Variants in SARDH observed in about 807,000 individuals in gnomAD.
The protein encoded by SARDH is sarcosine dehydrogenase.
In SARDH, 95 loss-of-function variants were observed where a neutral mutation model predicts 109.1. The observed-to-expected ratio is 0.87, with a 90% CI of 0.74 to 1.03. SARDH has a LOEUF of 1.03. SARDH is among the 50% of genes least tolerant of loss of function. The pLI, the probability that SARDH is intolerant of heterozygous loss-of-function variation, is 0.00. For missense variants in SARDH, 1,267 were observed against 1,287.8 expected (o/e 0.98, Z 0.25); for synonymous variants, 572 against 534.8 (o/e 1.07, Z -0.96).
downstream of SARDH, among the ~76,000 whole-genome samples, chr9:133,659,597 G>A (rs1453810664): frequency 6.6e-6 from 1 of 152,214 alleles, no homozygotes; most frequent in Non-Finnish European, 1.5e-5. Flanking sequence ...GCCTCATGGG[G>A]AGAGAGGGAG....
intron 13 of SARDH, among the ~76,000 whole-genome samples, chr9:133,700,626 G>A (rs569196788): frequency 1.8e-4 from 28 of 152,206 alleles, no homozygotes; most frequent in South Asian, 8.3e-4. Context: ...GTACAATCCC[G>A]TGAACTCACT....
At chr9:133,711,870 G>C (rs1831932794) in intron 10 of SARDH, among the ~76,000 whole-genome samples, 1 of 152,156 alleles carries the variant, frequency 6.6e-6, no homozygotes, top group African/African-American at 2.4e-5. Context: ...AGGCCCTGCT[G>C]TGTGGGTCGG....
downstream of SARDH, among the ~76,000 whole-genome samples, chr9:133,660,063 CCTCACCCCCCA>C (rs1323484227): frequency 1.4e-5 from 2 of 146,274 alleles, no homozygotes; most frequent in Admixed American, 6.8e-5. Flanking sequence ...CCCACCCCCA[CCTCACCCCCCA>C]CTCACACTCT....
downstream of SARDH, among the ~76,000 whole-genome samples, chr9:133,661,048 C>T (rs1176368862): frequency 6.6e-6 from 1 of 151,976 alleles, no homozygotes; most frequent in African/African-American, 2.4e-5. Flanking sequence ...ACAAAAAATA[C>T]AATAATTAGG....
Position 133,666,806 on chromosome 9 carries a change from TC to T in SARDH, c.2559del (p.Arg854GlyfsTer30). The T allele has an allele frequency of 6.2e-7, 1 of 1,608,156 alleles. No individual in the cohort carries two copies. Among genetic ancestry groups the T allele is most frequent in the Non-Finnish European group, 8.5e-7 (1 of 1,177,584 alleles). On this transcript the variant is annotated frameshift_variant, in exon 20 of 21. Coordinates refer to ENST00000439388, the MANE Select transcript of SARDH (RefSeq NM_001134707.2). LOFTEE classifies it high-confidence loss of function. This position sits in a 1 kb window ranked among gnomAD's most constrained non-coding sequence, Gnocchi z 5.2. Reference protein sequence around the residue: ...WRNGQVVGHVRRADFGFAIDK... With the variant: ...WRNGQVVGHVXRADFGFAIDK... Reference sequence around the variant, plus strand: ...TCGATGGCGAACCCAAAGTCAGCCCTCCGGACATGGCCCACCACTTGGCCGT... The same window carrying T: ...TCGATGGCGAACCCAAAGTCAGCCCTCGGACATGGCCCACCACTTGGCCGT...
At chr9:133,682,777 G>A (rs1443822879) in intron 17 of SARDH, among the ~76,000 whole-genome samples, 2 of 100,966 alleles carry the variant, frequency 2.0e-5, no homozygotes, top group East Asian at 5.6e-4. Flanking sequence ...AAACCCACGC[G>A]CAGTGATGGT....
chr9:133,707,744 C>A (rs948139352), intron 11 of SARDH, among the ~76,000 whole-genome samples: 3 of 152,004 alleles, frequency 2.0e-5, no homozygotes, highest in Middle Eastern at 3.2e-3. Flanking sequence ...GGGCTGGGAG[C>A]GCAGAGAAGG....
Position 133,730,127 on chromosome 9 carries a change from G to A in SARDH, c.751C>T (p.Arg251Trp), listed in dbSNP as rs766945285. ...TGCTGAGTCTCCACACCCGCGACCC[G>A]CCGCACCCCAAAATCATCCGTCCAC... is the stretch of plus-strand genomic sequence containing the variant. ...RVWTDDFGVR[R>W]VAGVETQHGS... Residue 251 changes from arginine to tryptophan, a missense_variant, in exon 5 of 21, where the codon CGG becomes TGG. Arg to Trp is a moderately radical substitution (Grantham distance 101). Transcript: ENST00000439388. 2.3e-5 allele frequency: 37 copies of A among 1,614,052 alleles called. No homozygotes were observed. Among genetic ancestry groups the A allele is most frequent in the East Asian group, 4.5e-5 (2 of 44,884 alleles).
intron 11 of SARDH, among the ~76,000 whole-genome samples, chr9:133,707,731 ACG>A (rs1439518817): frequency 1.3e-5 from 2 of 152,032 alleles, no homozygotes; most frequent in African/African-American, 4.8e-5. Context: ...AGGAATGGAG[ACG>A]GGGCTGGGAG....
At chr9:133,719,713 C>T (rs1262316789) in intron 6 of SARDH, among the ~76,000 whole-genome samples, 1 of 144,210 alleles carries the variant, frequency 6.9e-6, no homozygotes, top group East Asian at 2.2e-4. Flanking sequence ...ATGTTGACAC[C>T]AGGGTCTCTC....
downstream of SARDH, among the ~76,000 whole-genome samples, chr9:133,663,298 C>T (rs905015983): frequency 2.9e-4 from 44 of 152,232 alleles, no homozygotes; most frequent in African/African-American, 1.0e-3. Flanking sequence ...TCTCAGGAGG[C>T]TTTGCCACCT....
At chr9:133,736,390 G>GTTGT (rs1554763807) in intron 1 of SARDH, among the ~76,000 whole-genome samples, 69 of 150,388 alleles carry the variant, frequency 4.6e-4, no homozygotes, top group African/African-American at 1.0e-3. Context: ...TGTTGTTGTT[G>GTTGT]TTGTTTGTTT....
In SARDH at chr9:133,730,057, C is replaced by T. The variant is rs1185508676; in HGVS notation, c.814+7G>A. The T allele has an allele frequency of 4.3e-6, 7 of 1,614,094 alleles. No homozygotes were observed. Among genetic ancestry groups the T allele is most frequent in the Admixed American group, 3.3e-5 (2 of 60,022 alleles). On this transcript the variant is annotated splice_region_variant and intron_variant, in intron 5 of 20. Transcript: ENST00000439388. ...CACACAGGAGTCAGGAGAAATGCCA[C>T]TCGCACCTGCACAGTTGACCACGCA...
At chr9:133,705,891 G>A (rs1181403074) in intron 11 of SARDH, among the ~76,000 whole-genome samples, 1 of 152,154 alleles carries the variant, frequency 6.6e-6, no homozygotes, top group Non-Finnish European at 1.5e-5. Flanking sequence ...CGACGCCAGG[G>A]CCCTCTCCCC....
Position 133,685,255 on chromosome 9 carries a change from C to T in SARDH, c.2101G>A (p.Asp701Asn). ...RAILQEVLDA[D>N]LSNEAFPFST... The stretch of plus-strand genomic sequence containing the variant: ...AACGGGAAGGCCTCGTTGCTCAGGT[C>T]TGCGTCCAGCACCTCCTGCAAAATG... The change falls in exon 17 of 21, where the codon GAC becomes AAC. Residue 701 changes from aspartate to asparagine, a missense_variant. By Grantham distance (23) the Asp-to-Asn change is conservative. Coordinates refer to ENST00000439388, the MANE Select transcript of SARDH (RefSeq NM_001134707.2). The T allele has an allele frequency of 1.2e-6, 2 of 1,614,032 alleles. No individual in the cohort carries two copies. The highest frequency in any genetic ancestry group is 1.7e-6 in the Non-Finnish European group (2 of 1,179,976).
At chr9:133,703,925 G>T (rs1361354702) in intron 12 of SARDH, among the ~76,000 whole-genome samples, 4 of 152,182 alleles carry the variant, frequency 2.6e-5, no homozygotes, top group Non-Finnish European at 5.9e-5. Flanking sequence ...GCTCCCGGGT[G>T]GGGGTGCAAA....
intron 17 of SARDH, among the ~76,000 whole-genome samples, chr9:133,680,035 C>T (rs1830643859): frequency 6.6e-6 from 1 of 152,248 alleles, no homozygotes; most frequent in Non-Finnish European, 1.5e-5. Flanking sequence ...TCCAGCCCAG[C>T]GTTTCTTCAC....
chr9:133,693,247 C>T lies in SARDH; in HGVS notation c.1921+1011G>A, dbSNP rs895858381. Among the ~76,000 whole-genome samples, 1 of 152,226 alleles carries T rather than the reference C, an allele frequency of 6.6e-6. No individual in the cohort carries two copies. The highest frequency in any genetic ancestry group is 6.5e-5 in the Admixed American group (1 of 15,286). On this transcript the variant is annotated intron_variant, in intron 15 of 20. Coordinates refer to ENST00000439388, the MANE Select transcript of SARDH (RefSeq NM_001134707.2). The surrounding 1 kb of genome is among the most constrained non-coding windows in gnomAD (Gnocchi z 5.6). ...GGGTCCTCCGTGCCTCAAACTGAGC[C>T]TGACACACAGTCGGTGCTCAATGAC... is the stretch of plus-strand genomic sequence containing the variant.
intron 18 of SARDH, among the ~76,000 whole-genome samples, chr9:133,671,239 C>T (rs1830336164): frequency 1.3e-5 from 2 of 152,106 alleles, no homozygotes; most frequent in South Asian, 2.1e-4. Flanking sequence ...CCAGCCTGGG[C>T]CTGACCCCCA....
Sources: gnomAD v4.1 joint callset for allele counts (sites outside exome capture counted in the v4.1 genomes callset) on GRCh38, gnomAD v4.1.1 for gene constraint, Gnocchi (gnomAD v3.1) non-coding constraint, MANE v1.5 for transcripts, NCBI Gene and HGNC (gene_info 2026-07-23, HGNC 2026-07-21) for gene names.